BACH2: variants seen among roughly 807,000 people sequenced by gnomAD.
BACH2 encodes transcription regulator protein BACH2.
BACH2 carries 5 observed loss-of-function variants against 61.8 expected under a neutral mutation model. The observed-to-expected ratio is 0.08, with a 90% CI of 0.04 to 0.17. The LOEUF is 0.17. Ranked by LOEUF, BACH2 falls within the 10% of genes least tolerant of loss-of-function variation. The pLI, the probability that BACH2 is intolerant of heterozygous loss-of-function variation, is 1.00. For synonymous variants in BACH2, 446 were observed against 440.1 expected (o/e 1.01, Z -0.17); for missense variants, 824 against 1,091.1 (o/e 0.76, Z 3.45).
intron 5 of BACH2, among the ~76,000 whole-genome samples, chr6:90,058,702 C>T (rs1381737983): frequency 6.6e-6 from 1 of 152,180 alleles, no homozygotes; most frequent in Non-Finnish European, 1.5e-5. Context: ...CTGGAGGCAT[C>T]ACACTAGCTG....
rs1781268950 is a variant in BACH2 at position 90,072,291 on chromosome 6, G to A, written c.-13+16670C>T. ...TCTACTTGAGTGAACTGTTTGATTAGGTTAGAAAAGCAAATGGTACCCTAA... is the reference window on the plus strand; with the variant it reads ...TCTACTTGAGTGAACTGTTTGATTAAGTTAGAAAAGCAAATGGTACCCTAA... On this transcript the variant is annotated intron_variant, in intron 5 of 8. Coordinates refer to ENST00000257749, the MANE Select transcript of BACH2 (RefSeq NM_021813.4). Among the ~76,000 whole-genome samples the A allele has an allele frequency of 5.3e-5, 8 of 152,104 alleles. No homozygotes were observed. The South Asian group carries it at 1.7e-3, about 32-fold the overall frequency.
At chr6:90,283,724 C>T (rs117349482) in intron 1 of BACH2, among the ~76,000 whole-genome samples, 2 of 152,222 alleles carry the variant, frequency 1.3e-5, no homozygotes, top group East Asian at 3.9e-4. Flanking sequence ...TTTTTTAGGT[C>T]TGGCCAGGCA....
chr6:90,072,266 T>G (rs1473597377), intron 5 of BACH2, among the ~76,000 whole-genome samples: 1 of 152,174 alleles, frequency 6.6e-6, no homozygotes, highest in Non-Finnish European at 1.5e-5. Context: ...AGGTTGTGCC[T>G]CTACTTGAGT....
chr6:89,967,578 G>T (rs913068511), intron 6 of BACH2, among the ~76,000 whole-genome samples: 2 of 152,150 alleles, frequency 1.3e-5, no homozygotes, highest in African/African-American at 4.8e-5. Context: ...CTCATCCACA[G>T]TAGTTTAATG....
intron 4 of BACH2, among the ~76,000 whole-genome samples, chr6:90,139,586 C>T (rs976142061): frequency 5.8e-4 from 89 of 152,190 alleles, no homozygotes; most frequent in African/African-American, 2.1e-3. Flanking sequence ...TAATCTCCCT[C>T]CCTTTTTTTT....
At chr6:90,212,667 T>C (rs1032830755) in intron 3 of BACH2, among the ~76,000 whole-genome samples, 1 of 152,166 alleles carries the variant, frequency 6.6e-6, no homozygotes, top group African/African-American at 2.4e-5. Flanking sequence ...TCCCCAAGGA[T>C]AGGTTAGGTA....
intron 6 of BACH2, among the ~76,000 whole-genome samples, chr6:89,952,626 G>A (rs1774198684): frequency 2.0e-5 from 3 of 152,192 alleles, no homozygotes. Context: ...CAGGGTATGG[G>A]CTATTCCTTC....
rs140771161 is a variant in BACH2, at chr6:90,006,410, C to T, written c.243+2192G>A. Among the ~76,000 whole-genome samples the T allele has an allele frequency of 1.7e-3, 256 of 152,282 alleles. 1 individual carries two copies. Among genetic ancestry groups the T allele is most frequent in the African/African-American group, 6.0e-3 (248 of 41,568 alleles). On this transcript the variant is annotated intron_variant, in intron 6 of 8. Transcript: ENST00000257749. ...TGGCTACAGTGCAGCTGCCATTCCT[C>T]GGCCTTCCCGTTACTTGGTACCCAG... is the stretch of plus-strand genomic sequence containing the variant.
intron 5 of BACH2, among the ~76,000 whole-genome samples, chr6:90,081,779 G>C (rs749819004): frequency 4.6e-5 from 7 of 152,024 alleles, no homozygotes; most frequent in Admixed American, 2.6e-4. Context: ...CATAAAGTTT[G>C]TGGATTACAA....
chr6:89,996,477 T>TA (rs938742811), intron 6 of BACH2, among the ~76,000 whole-genome samples: 1 of 152,256 alleles, frequency 6.6e-6, no homozygotes, highest in Non-Finnish European at 1.5e-5. Context: ...GTCTAAATTT[T>TA]ATTCTTCCAT....
intron 1 of BACH2, among the ~76,000 whole-genome samples, chr6:90,281,363 A>G (rs986549645): frequency 2.0e-5 from 3 of 152,260 alleles, no homozygotes; most frequent in African/African-American, 7.2e-5. Context: ...AATGTTTACT[A>G]ATAGGTCACA....
intron 1 of BACH2, among the ~76,000 whole-genome samples, chr6:90,273,869 C>T (rs748834348): frequency 6.6e-6 from 1 of 152,158 alleles, no homozygotes; most frequent in Non-Finnish European, 1.5e-5. Context: ...TGTCTCAGAA[C>T]CCCAGCTTCT....
At chr6:89,962,065 T>G (rs1237087681) in intron 6 of BACH2, among the ~76,000 whole-genome samples, 1 of 152,158 alleles carries the variant, frequency 6.6e-6, no homozygotes. Context: ...AAGATCCACT[T>G]TCTTCTCTTT....
chr6:89,958,326 G>A (rs1774538940), intron 6 of BACH2, among the ~76,000 whole-genome samples: 1 of 152,164 alleles, frequency 6.6e-6, no homozygotes, highest in Admixed American at 6.5e-5. Flanking sequence ...CACTCACTGT[G>A]TACTATGCAA....
At chr6:90,291,583 T>G (rs1012424755) in intron 1 of BACH2, among the ~76,000 whole-genome samples, 1 of 143,262 alleles carries the variant, frequency 7.0e-6, no homozygotes, top group Non-Finnish European at 1.5e-5. Flanking sequence ...AACTACTGTC[T>G]TTTTTTTTTA....
At chr6:89,972,186 G>A (rs1775399259) in intron 6 of BACH2, among the ~76,000 whole-genome samples, 2 of 152,212 alleles carry the variant, frequency 1.3e-5, no homozygotes, top group Admixed American at 6.5e-5. Context: ...TTCCGTGTCC[G>A]CCGCCGAGGC....
At chr6:90,158,729 T>C (rs1382294484) in intron 4 of BACH2, among the ~76,000 whole-genome samples, 8 of 138,690 alleles carry the variant, frequency 5.8e-5, no homozygotes, top group African/African-American at 1.7e-4. Context: ...GATATGGAGA[T>C]GGCAGAACTC....
At chr6:90,269,964 T>C (rs550676356) in intron 2 of BACH2, among the ~76,000 whole-genome samples, 9 of 152,342 alleles carry the variant, frequency 5.9e-5, no homozygotes, top group Non-Finnish European at 1.2e-4. Context: ...CATTATATCA[T>C]TCTTATGATA....
intron 4 of BACH2, among the ~76,000 whole-genome samples, chr6:90,145,854 T>C (rs757266389): frequency 1.3e-5 from 2 of 152,216 alleles, no homozygotes; most frequent in Non-Finnish European, 2.9e-5. Flanking sequence ...GAGAAGACAG[T>C]GTAGAAGGCA....
Sources: gnomAD v4.1 joint callset for allele counts (sites outside exome capture counted in the v4.1 genomes callset) on GRCh38, gnomAD v4.1.1 for gene constraint, MANE v1.5 for transcripts, NCBI Gene and HGNC (gene_info 2026-07-23, HGNC 2026-07-21) for gene names.